CCDC171: variants seen among roughly 807,000 people sequenced by gnomAD.
The protein encoded by CCDC171 is coiled-coil domain-containing protein 171.
A neutral mutation model predicts 168.2 loss-of-function variants in CCDC171; 177 were observed. The ratio of observed to expected loss-of-function variants is 1.05; its 90% CI spans 0.93 to 1.19. The LOEUF (loss-of-function observed/expected upper bound fraction) is 1.19, where lower values mean the gene tolerates loss of function less well. Among genes scored for constraint, CCDC171 ranks in the 50% most tolerant of loss-of-function variants. CCDC171 has a pLI of 0.00. For synonymous variants in CCDC171, 687 were observed against 540.8 expected, an observed-to-expected ratio of 1.27 and a Z score of -3.75; for missense variants, 1,991 against 1,539.0, an observed-to-expected ratio of 1.29 and a Z score of -4.91.
chr9:15,874,605 A>G lies in CCDC171; in HGVS notation c.3542A>G (p.His1181Arg). Reference sequence around the variant, plus strand: ...TTCACCCTACAGCTACCCAAACTGCACCTGGAGACCTTTGCAATGGAGGGG... The same window carrying G: ...TTCACCCTACAGCTACCCAAACTGCGCCTGGAGACCTTTGCAATGGAGGGG... ...NDFTLQLPKL[H>R]LETFAMEGLK... Residue 1181 changes from histidine (H) to arginine (R), a missense_variant, in exon 24 of 26, where the codon CAC (histidine) becomes CGC (arginine). By Grantham distance (29) the His-to-Arg change is conservative (BLOSUM62 0). Coordinates refer to ENST00000380701, the MANE Select transcript of CCDC171 (RefSeq NM_173550.4). 6.2e-7 allele frequency: 1 copy of G among 1,606,846 alleles called. No individual in the cohort carries two copies. The highest frequency in any genetic ancestry group is 1.7e-4 in the Middle Eastern group (1 of 6,026).
intron 25 of CCDC171, among the ~76,000 whole-genome samples, chr9:15,941,073 T>TA (rs1055834836): frequency 1.4e-4 from 21 of 151,992 alleles, no homozygotes; most frequent in African/African-American, 4.8e-4. Flanking sequence ...CCATGCCACT[T>TA]AAAGGTGTCC....
chr9:15,560,957 A>G (rs34655650), intron 1 of CCDC171, among the ~76,000 whole-genome samples: 30,535 of 152,160 alleles, frequency 0.2, 3,233 homozygotes, highest in African/African-American at 0.26. Flanking sequence ...CAGGACCCTC[A>G]GCTGCAGGTC....
chr9:15,798,004 G>T (rs1057099364), intron 21 of CCDC171, among the ~76,000 whole-genome samples: 2 of 151,976 alleles, frequency 1.3e-5, no homozygotes, highest in Admixed American at 6.6e-5. Flanking sequence ...TGATCTATAT[G>T]TCTTCCTTTT....
chr9:15,656,719 A>C (rs2047964192), intron 7 of CCDC171, among the ~76,000 whole-genome samples: 1 of 152,192 alleles, frequency 6.6e-6, no homozygotes, highest in Admixed American at 6.6e-5. Context: ...ATTCGTGATT[A>C]CTTGGGTATG....
At chr9:15,717,897 A>C (rs1005666260) in intron 11 of CCDC171, among the ~76,000 whole-genome samples, 2 of 152,252 alleles carry the variant, frequency 1.3e-5, no homozygotes, top group Non-Finnish European at 2.9e-5. Flanking sequence ...AGTGTGGCCC[A>C]GAACATTCAC....
chr9:15,616,231 T>C (rs2044073639), intron 6 of CCDC171, among the ~76,000 whole-genome samples: 1 of 151,858 alleles, frequency 6.6e-6, no homozygotes, highest in South Asian at 2.1e-4. Flanking sequence ...GGATTACAGG[T>C]GTGAGCCACC....
At chr9:15,750,712 T>C (rs1346869294) in intron 18 of CCDC171, among the ~76,000 whole-genome samples, 2 of 152,156 alleles carry the variant, frequency 1.3e-5, no homozygotes, top group African/African-American at 2.4e-5. Context: ...GAAAAGGCCT[T>C]CGACAAAATT....
At position 15,579,001 on chromosome 9, in the gene CCDC171, T is replaced by TA. The variant is rs2040904950; in HGVS notation, c.331dup (p.Arg111LysfsTer19). 2 of 1,613,708 alleles carry TA rather than the reference T, an allele frequency of 1.2e-6. No homozygotes were observed. Among genetic ancestry groups the TA allele is most frequent in the Admixed American group, 1.7e-5 (1 of 59,940 alleles). On this transcript the variant is annotated frameshift_variant, in exon 4 of 26. Transcript: ENST00000380701. LOFTEE classifies it high-confidence loss of function. ...CTGAAGAAAGATTAGCCGAGGCACA[T>TA]AGGATCCAAGAAAAACTCTGTGGTA...
intron 10 of CCDC171, among the ~76,000 whole-genome samples, chr9:15,688,990 G>A (rs145210869): frequency 6.6e-6 from 1 of 152,250 alleles, no homozygotes; most frequent in East Asian, 1.9e-4. Flanking sequence ...AATTATTAGA[G>A]CTAATAAAGT....
In CCDC171 at chr9:15,793,372, A is replaced by G. The variant is rs1042551821; in HGVS notation, c.3267+8678A>G. Among the ~76,000 whole-genome samples the G allele has an allele frequency of 3.3e-5, 5 of 151,964 alleles. No homozygotes were observed. The East Asian group carries it at 5.8e-4, about 18-fold the overall frequency. On this transcript the variant is annotated intron_variant, in intron 21 of 25. Transcript: ENST00000380701. Reference sequence around the variant, plus strand: ...AGACTTAGACTCCCACACAATAATAATGGGAGACTTTAACACCCCACTGTC... The same window carrying G: ...AGACTTAGACTCCCACACAATAATAGTGGGAGACTTTAACACCCCACTGTC...
intron 21 of CCDC171, among the ~76,000 whole-genome samples, chr9:15,808,751 GCTGT>G (rs1243310237): frequency 6.6e-6 from 1 of 152,138 alleles, no homozygotes; most frequent in Non-Finnish European, 1.5e-5. Flanking sequence ...TTTTTGATGG[GCTGT>G]CTGTGTTGTC....
intron 18 of CCDC171, among the ~76,000 whole-genome samples, chr9:15,754,763 G>C (rs1009545606): frequency 2.0e-5 from 3 of 152,088 alleles, no homozygotes; most frequent in Non-Finnish European, 4.4e-5. Context: ...ATCTCATAGA[G>C]TTATTTAGAA....
In CCDC171 at chr9:15,723,766, T is replaced by G. The variant is rs200845728; in HGVS notation, c.1491+20T>G. 1 of 1,221,606 alleles carries G rather than the reference T, an allele frequency of 8.2e-7. No individual in the cohort carries two copies. The highest frequency in any genetic ancestry group is 1.6e-5 in the African/African-American group (1 of 64,502). The allele number at this position is 1,221,606 out of a possible 1,614,324, so 75.7% of individuals were successfully genotyped here. ...ATAAAGGTATTATTTAGAATAACTT[T>G]TACCTTTTGTATTAAGAAACAAATA... On this transcript the variant is annotated intron_variant, in intron 13 of 25. Transcript: ENST00000380701.
intron 18 of CCDC171, among the ~76,000 whole-genome samples, chr9:15,769,799 T>G (rs2056918936): frequency 6.6e-6 from 1 of 152,230 alleles, no homozygotes; most frequent in Non-Finnish European, 1.5e-5. Context: ...ATGTTGCTTT[T>G]CAGTATTCTC....
At chr9:15,759,314 C>T (rs2056317506) in intron 18 of CCDC171, among the ~76,000 whole-genome samples, 2 of 152,100 alleles carry the variant, frequency 1.3e-5, no homozygotes, top group African/African-American at 4.8e-5. Context: ...GATGCTGTGT[C>T]ACTCCCTCTT....
chr9:15,912,910 C>G (rs1406323955), intron 24 of CCDC171, among the ~76,000 whole-genome samples: 2 of 152,148 alleles, frequency 1.3e-5, no homozygotes, highest in Non-Finnish European at 2.9e-5. Context: ...GGTGGATAAG[C>G]TTTTTGATGT....
intron 23 of CCDC171, among the ~76,000 whole-genome samples, chr9:15,864,143 A>G (rs2061671661): frequency 6.6e-6 from 1 of 151,914 alleles, no homozygotes. Flanking sequence ...AAAAAAGCTA[A>G]TTCTGACCTT....
chr9:15,645,571 A>G (rs538393110), intron 7 of CCDC171, among the ~76,000 whole-genome samples: 1 of 152,340 alleles, frequency 6.6e-6, no homozygotes, highest in South Asian at 2.1e-4. Context: ...CTGAGCTGAA[A>G]ACCATGGCAC....
At chr9:15,583,152 C>G (rs2041266975) in intron 4 of CCDC171, among the ~76,000 whole-genome samples, 1 of 152,256 alleles carries the variant, frequency 6.6e-6, no homozygotes, top group East Asian at 1.9e-4. Context: ...CGCGGTGGCT[C>G]ACGCCTGTAA....
Sources: gnomAD v4.1 joint callset for allele counts (sites outside exome capture counted in the v4.1 genomes callset) on GRCh38, gnomAD v4.1.1 for gene constraint, MANE v1.5 for transcripts, NCBI Gene and HGNC (gene_info 2026-07-23, HGNC 2026-07-21) for gene names.